Variants in ADAM8 observed in about 807,000 individuals in gnomAD.
The protein encoded by ADAM8 is ADAM metallopeptidase domain 8, also known as disintegrin and metalloproteinase domain-containing protein 8.
A neutral mutation model predicts 102.4 loss-of-function variants in ADAM8; 104 were observed. That is an observed-to-expected ratio of 1.02 (90% CI 0.87 to 1.20). The LOEUF is 1.20. Among genes scored for constraint, ADAM8 ranks in the 50% most tolerant of loss-of-function variants. The pLI, the probability that ADAM8 is intolerant of heterozygous loss-of-function variation, is 0.00. For missense variants in ADAM8, 1,132 were observed against 1,159.0 expected (o/e 0.98, Z 0.34); for synonymous variants, 517 against 485.2 (o/e 1.07, Z -0.86).
chr10:133,275,438 G>T, intron 2 of ADAM8, 46 bp downstream of exon 2: 2 of 1,406,770 alleles, frequency 1.4e-6, no homozygotes, highest in Non-Finnish European at 1.9e-6. Flanking sequence ...ACAAAAATAG[G>T]CTCAGGGGCC....
In ADAM8 at chr10:133,268,120, T is replaced by G. The variant is rs1589803365; in HGVS notation, c.2064-2A>C. ...ATTGTGGTCTTGGGAGCCACGTTCC[T>G]GGGGAGGAAGCACAGGGCGCATGGT... On this transcript the variant is annotated splice_acceptor_variant, in intron 19 of 22. Coordinates refer to ENST00000445355, the MANE Select transcript of ADAM8 (RefSeq NM_001109.5). LOFTEE classifies it high-confidence loss of function. 5.5e-6 allele frequency: 7 copies of G among 1,266,318 alleles called. No homozygotes were observed. The highest frequency in any genetic ancestry group is 7.0e-6 in the Non-Finnish European group (7 of 998,456). The allele number at this position is 1,266,318 out of a possible 1,614,324, so 78.4% of individuals were successfully genotyped here.
chr10:133,266,704 GC>G (rs1846331685), intron 21 of ADAM8, among the ~76,000 whole-genome samples: 1 of 152,212 alleles, frequency 6.6e-6, no homozygotes, highest in Non-Finnish European at 1.5e-5. Flanking sequence ...CCTTTCTGCT[GC>G]CCTAGCTGAG....
chr10:133,272,063 T>A, intron 10 of ADAM8, 109 bp from the exon 11 acceptor site: 1 of 1,535,918 alleles, frequency 6.5e-7, no homozygotes, highest in Non-Finnish European at 8.9e-7. Context: ...AACACCACCT[T>A]AAAACATAAA....
chr10:133,275,764 C>T (rs959401871), intron 1 of ADAM8, 177 bp from the exon 2 acceptor site: 24 of 520,846 alleles, frequency 4.6e-5, no homozygotes, highest in Middle Eastern at 4.7e-4. Context: ...ACCCCAGGAG[C>T]GCCCCCAGGC....
At chr10:133,275,621 C>CG (rs544612511) in intron 1 of ADAM8, 34 bp from the exon 2 acceptor site, 719 of 1,255,522 alleles carry the variant, frequency 5.7e-4, no homozygotes, top group Non-Finnish European at 7.0e-4. Flanking sequence ...CATGAGGGGC[C>CG]GGGGGGCAGG....
intron 19 of ADAM8, 88 bp from the exon 20 acceptor site, chr10:133,268,206 G>A (rs957649031): frequency 1.4e-5 from 16 of 1,142,896 alleles, no homozygotes; most frequent in Middle Eastern, 5.4e-4. Context: ...AGCTCCAGCC[G>A]ACCCGAGAGG....
At chr10:133,270,079 C>A in intron 16 of ADAM8, 105 bp from the exon 17 acceptor site, 1 of 1,344,138 alleles carries the variant, frequency 7.4e-7, no homozygotes, top group Non-Finnish European at 1.0e-6. Flanking sequence ...TCACCACGTC[C>A]AAGGTGGCTG....
intron 19 of ADAM8, 114 bp from the exon 20 acceptor site, chr10:133,268,232 T>C (rs976772423): frequency 4.0e-6 from 4 of 1,003,130 alleles, no homozygotes; most frequent in Non-Finnish European, 5.2e-6. Flanking sequence ...GGGCGAGAGG[T>C]TGTGGCCATG....
chr10:133,269,582 G>T, intron 17 of ADAM8, 53 bp from the exon 18 acceptor site: 2 of 1,479,312 alleles, frequency 1.4e-6, no homozygotes, highest in Non-Finnish European at 1.8e-6. Context: ...CCAAGGGGCC[G>T]TGGGGGCCGT....
intron 18 of ADAM8, 27 bp from the exon 19 acceptor site, chr10:133,268,889 G>C: frequency 6.3e-7 from 1 of 1,597,420 alleles, no homozygotes; most frequent in Non-Finnish European, 8.5e-7. Flanking sequence ...CCCACATCAG[G>C]CAGGCAGGCC....
chr10:133,271,870 C>G lies in ADAM8; in HGVS notation c.1042G>C (p.Val348Leu). ...HNLGMDHDENVQGCRCQERFE... is the reference protein window; with the variant it reads ...HNLGMDHDENLQGCRCQERFE... ...CGTTCCTGGCAGCGGCAGCCCTGGACGTTCTCATCATGGTCCATGCCCAGG... is the reference window on the plus strand; with the variant it reads ...CGTTCCTGGCAGCGGCAGCCCTGGAGGTTCTCATCATGGTCCATGCCCAGG... The change falls in exon 11 of 23, where the codon GTC (valine) becomes CTC (leucine). Residue 348 changes from valine (V) to leucine (L), a missense_variant. Coordinates refer to ENST00000445355, the MANE Select transcript of ADAM8 (RefSeq NM_001109.5). 6.2e-7 allele frequency: 1 copy of G among 1,612,712 alleles called. No individual in the cohort carries two copies. Among genetic ancestry groups the G allele is most frequent in the African/African-American group, 1.3e-5 (1 of 75,066 alleles).
chr10:133,265,236 G>A (rs1350013432), intron 21 of ADAM8, among the ~76,000 whole-genome samples: 1 of 132,804 alleles, frequency 7.5e-6, no homozygotes, highest in African/African-American at 2.9e-5. Flanking sequence ...AGCTCCTGCT[G>A]CAGCCTCTGC....
In ADAM8 at chr10:133,268,768, G is replaced by T; in HGVS notation, c.2043C>A (p.Ala681=). Reference sequence around the variant, plus strand: ...CTCACCTGCTCAGGATGCGGCTCCGGGCTTTGCGGTAGACGATGATGCCTG... The same window carrying T: ...CTCACCTGCTCAGGATGCGGCTCCGTGCTTTGCGGTAGACGATGATGCCTG... ...TLAGIIVYRK[A]RSRILSRNVA... Residue 681 remains alanine (A), a synonymous_variant, in exon 19 of 23, where the codon GCC becomes GCA. Coordinates refer to ENST00000445355, the MANE Select transcript of ADAM8 (RefSeq NM_001109.5). 6.2e-7 allele frequency: 1 copy of T among 1,610,824 alleles called. No homozygotes were observed.
intron 22 of ADAM8, 85 bp downstream of exon 22, chr10:133,263,603 C>G: frequency 1.9e-5 from 1 of 52,786 alleles, no homozygotes; most frequent in Middle Eastern, 4.6e-3. Flanking sequence ...CCCCACCCTC[C>G]AGGGCAGTGC....
At chr10:133,270,832 T>C (rs770098946) in intron 14 of ADAM8, 27 bp from the exon 15 acceptor site, 4 of 1,611,042 alleles carry the variant, frequency 2.5e-6, no homozygotes, top group South Asian at 2.2e-5. Flanking sequence ...GGGTTAGCCC[T>C]GGCAAGGCCT....
At chr10:133,272,322 C>CG in intron 9 of ADAM8, 48 bp from the exon 10 acceptor site, 24 of 1,443,574 alleles carry the variant, frequency 1.7e-5, no homozygotes, top group Non-Finnish European at 2.0e-5. Flanking sequence ...TCCCTCCCCA[C>CG]TTCCCTCCCA....
rs1012747740 is a variant in ADAM8 at position 133,275,607 on chromosome 10, C to T, written c.47-20G>A. On this transcript the variant is annotated intron_variant, in intron 1 of 22. Transcript: ENST00000445355. ...CAATCGCTGCAGGAGGGAGGGTCAG[C>T]AGGCATGAGGGGCCGGGGGGCAGGT... 36 of 1,394,100 alleles carry T rather than the reference C, an allele frequency of 2.6e-5. No individual in the cohort carries two copies. Among genetic ancestry groups the T allele is most frequent in the Non-Finnish European group, 3.0e-5 (31 of 1,049,872 alleles). The allele number at this position is 1,394,100 out of a possible 1,614,324, so 86.4% of individuals were successfully genotyped here.
intron 20 of ADAM8, 113 bp from the exon 21 acceptor site, chr10:133,267,530 G>T: frequency 9.0e-7 from 1 of 1,108,736 alleles, no homozygotes; most frequent in Non-Finnish European, 1.3e-6. Context: ...GGAGGCGTCT[G>T]CGCGGCCCAC....
At chr10:133,273,723 C>T (rs1269778463) in intron 5 of ADAM8, 39 bp downstream of exon 5, 2 of 1,538,024 alleles carry the variant, frequency 1.3e-6, no homozygotes, top group Non-Finnish European at 1.8e-6. Context: ...GCCTTCCTCT[C>T]CACCTGCGGG....
Sources: allele counts gnomAD v4.1 joint callset (sites outside exome capture counted in the v4.1 genomes callset), GRCh38; gene constraint gnomAD v4.1.1; transcripts MANE v1.5; gene names NCBI Gene and HGNC (gene_info 2026-07-23, HGNC 2026-07-21).